The following FCHSD2 variants were observed in gnomAD, a reference collection of about 807,000 sequenced individuals.
FCHSD2 encodes the protein F-BAR and double SH3 domains protein 2.
A neutral mutation model predicts 108.1 loss-of-function variants in FCHSD2; 38 were observed. The observed-to-expected ratio is 0.35, with a 90% CI of 0.27 to 0.46. The LOEUF is 0.46. Ranked by LOEUF, FCHSD2 falls within the 20% of genes least tolerant of loss-of-function variation. The pLI is 1.00. For synonymous variants in FCHSD2, 279 were observed against 314.7 expected (o/e 0.89, Z 1.20); for missense variants, 751 against 897.8 (o/e 0.84, Z 2.09).
intron 2 of FCHSD2, among the ~76,000 whole-genome samples, chr11:73,124,226 C>G (rs543583728): frequency 6.6e-6 from 1 of 152,190 alleles, no homozygotes; most frequent in African/African-American, 2.4e-5. Flanking sequence ...CACCTGGACA[C>G]AGGATGGGGA....
intron 10 of FCHSD2, among the ~76,000 whole-genome samples, chr11:72,893,669 G>A (rs1052677251): frequency 2.6e-5 from 4 of 151,658 alleles, no homozygotes; most frequent in Non-Finnish European, 2.9e-5. Context: ...TTAGCTAGGC[G>A]TGGTGGCGCC....
intron 2 of FCHSD2, among the ~76,000 whole-genome samples, chr11:73,097,643 G>T (rs1356298668): frequency 4.1e-5 from 5 of 123,152 alleles, no homozygotes; most frequent in Admixed American, 8.7e-5. Flanking sequence ...TCTAATTACT[G>T]ATTCAATCCC....
intron 12 of FCHSD2, among the ~76,000 whole-genome samples, chr11:72,870,506 T>A (rs752181052): frequency 9.9e-5 from 15 of 152,096 alleles, no homozygotes; most frequent in Non-Finnish European, 1.8e-4. Flanking sequence ...CATTCAATGA[T>A]ATTGAGTTAT....
intron 2 of FCHSD2, among the ~76,000 whole-genome samples, chr11:73,092,615 A>T (rs1365792761): frequency 1.3e-5 from 2 of 152,212 alleles, no homozygotes; most frequent in Non-Finnish European, 2.9e-5. Flanking sequence ...CTGAAACAAT[A>T]GACAAAAACT....
chr11:73,117,922 T>G (rs1860641805), intron 2 of FCHSD2, among the ~76,000 whole-genome samples: 1 of 152,246 alleles, frequency 6.6e-6, no homozygotes, highest in Non-Finnish European at 1.5e-5. Context: ...TTTGCTTATC[T>G]TTTTATGTAA....
chr11:72,980,584 T>C (rs961294594), intron 8 of FCHSD2, among the ~76,000 whole-genome samples: 2 of 151,846 alleles, frequency 1.3e-5, no homozygotes, highest in South Asian at 2.1e-4. Flanking sequence ...AAGATAGCTA[T>C]TATTATTACT....
At chr11:73,071,539 A>T (rs543689537) in intron 3 of FCHSD2, among the ~76,000 whole-genome samples, 9 of 151,830 alleles carry the variant, frequency 5.9e-5, no homozygotes, top group Non-Finnish European at 1.0e-4. Context: ...AAAATACAAA[A>T]AAAAAAAAAA....
intron 8 of FCHSD2, among the ~76,000 whole-genome samples, chr11:72,956,480 T>G (rs1448851236): frequency 6.6e-6 from 1 of 152,232 alleles, no homozygotes; most frequent in African/African-American, 2.4e-5. Flanking sequence ...AAACTGTGAC[T>G]TATAATCAAC....
chr11:72,905,483 C>A (rs12419074), intron 9 of FCHSD2, among the ~76,000 whole-genome samples: 7,793 of 152,216 alleles, frequency 0.051, 312 homozygotes, highest in Non-Finnish European at 0.07. Context: ...TACATAGGCA[C>A]AACGTGCAGG....
intron 8 of FCHSD2, among the ~76,000 whole-genome samples, chr11:72,969,477 T>C (rs143407520): frequency 6.6e-6 from 1 of 152,166 alleles, no homozygotes; most frequent in East Asian, 1.9e-4. Flanking sequence ...TGAATCTTTG[T>C]CTTAATTTTT....
intron 12 of FCHSD2, among the ~76,000 whole-genome samples, chr11:72,882,123 T>C (rs918232643): frequency 1.0e-4 from 15 of 146,956 alleles, no homozygotes; most frequent in Non-Finnish European, 1.6e-4. Flanking sequence ...CCAGCCTGGG[T>C]GACAGCAAGA....
chr11:73,045,266 C>A lies in FCHSD2; in HGVS notation c.166-29381G>T, dbSNP rs886251703. 1.8e-3 allele frequency among the ~76,000 whole-genome samples: 276 copies of A among 151,514 alleles called. 2 individuals carry two copies. Among genetic ancestry groups the A allele is most frequent in the Non-Finnish European group, 2.9e-3 (196 of 67,852 alleles). ...TGGCGATCATTAAAAAGTCAGGAAA[C>A]AACAGGTGCTGGAGAGGATGTGGAG... On this transcript the variant is annotated intron_variant, in intron 3 of 19. Coordinates refer to ENST00000409418, the MANE Select transcript of FCHSD2 (RefSeq NM_014824.3).
chr11:73,021,396 T>C (rs1209344525), intron 3 of FCHSD2, among the ~76,000 whole-genome samples: 2 of 152,182 alleles, frequency 1.3e-5, no homozygotes, highest in African/African-American at 4.8e-5. Context: ...AATGAGATCA[T>C]GTCCTTTGCA....
At chr11:73,037,700 G>T (rs935306834) in intron 3 of FCHSD2, among the ~76,000 whole-genome samples, 4 of 152,150 alleles carry the variant, frequency 2.6e-5, no homozygotes, top group African/African-American at 9.7e-5. Flanking sequence ...TAGCCCTATT[G>T]ATAGTATATA....
At chr11:72,943,943 T>C (rs964598296) in intron 8 of FCHSD2, among the ~76,000 whole-genome samples, 4 of 152,224 alleles carry the variant, frequency 2.6e-5, no homozygotes, top group Admixed American at 2.6e-4. Context: ...ATTGTGATGC[T>C]GCCAACTTTA....
intron 9 of FCHSD2, among the ~76,000 whole-genome samples, chr11:72,916,836 G>A (rs771703534): frequency 1.3e-5 from 2 of 152,050 alleles, no homozygotes; most frequent in African/African-American, 2.4e-5. Context: ...TGCTTTCAAC[G>A]TCAAATCTGA....
intron 13 of FCHSD2, among the ~76,000 whole-genome samples, chr11:72,858,477 T>C (rs555456978): frequency 1.2e-4 from 18 of 152,290 alleles, no homozygotes; most frequent in African/African-American, 4.1e-4. Context: ...GGGACATGGA[T>C]AGAGCTGGAG....
At chr11:72,856,490 A>G (rs1209498903) in intron 13 of FCHSD2, among the ~76,000 whole-genome samples, 1 of 152,238 alleles carries the variant, frequency 6.6e-6, no homozygotes, top group Non-Finnish European at 1.5e-5. Context: ...AATATGTATA[A>G]ATATTATGTG....
intron 3 of FCHSD2, among the ~76,000 whole-genome samples, chr11:73,034,829 A>G (rs1858448497): frequency 2.0e-5 from 3 of 152,264 alleles, no homozygotes; most frequent in East Asian, 3.8e-4. Flanking sequence ...AAAATAAATT[A>G]TAGAAGGACT....
Sources: gnomAD v4.1 joint callset for allele counts (sites outside exome capture counted in the v4.1 genomes callset) on GRCh38, gnomAD v4.1.1 for gene constraint, MANE v1.5 for transcripts, NCBI Gene and HGNC (gene_info 2026-07-23, HGNC 2026-07-21) for gene names.